PAQR6: variants seen among roughly 807,000 people sequenced by gnomAD.
PAQR6 encodes the protein membrane progestin receptor delta.
Under a neutral mutation model 36.2 loss-of-function variants are expected in PAQR6, and 34 were observed. That is an observed-to-expected ratio of 0.94 (90% confidence interval 0.71 to 1.25). PAQR6 has a LOEUF of 1.25. Among genes scored for constraint, PAQR6 ranks in the 50% most tolerant of loss-of-function variants. The pLI is 0.00. For synonymous variants in PAQR6, 190 were observed against 190.7 expected (o/e 1.00, Z 0.03); for missense variants, 431 against 445.7 (o/e 0.97, Z 0.30).
Position 156,245,655 on chromosome 1 carries a change from G to A in PAQR6, c.392C>T (p.Ala131Val). Residue 131 changes from alanine to valine, a missense_variant, in exon 5 of 8, where the codon GCC (alanine) becomes GTC (valine). By Grantham distance (64) the Ala-to-Val change is moderately conservative. Coordinates refer to ENST00000292291, the MANE Select transcript of PAQR6 (RefSeq NM_198406.3). ...CATGGAGTAGGCGGCATAGGGGAAG[G>A]CGCAGCCTGCGGTGAGGTGGGGGCG... is the stretch of plus-strand genomic sequence containing the variant. Reference protein sequence around the residue: ...GALSLYSLGCAFPYAAYSMPA... With the variant: ...GALSLYSLGCVFPYAAYSMPA... 1 of 1,612,724 alleles carries A rather than the reference G, an allele frequency of 6.2e-7. No individual in the cohort carries two copies.
chr1:156,244,311 A>G lies in PAQR6; in HGVS notation c.853T>C (p.Trp285Arg). The change falls in exon 8 of 8, where the codon TGG (tryptophan) becomes CGG (arginine). Residue 285 changes from tryptophan to arginine, a missense_variant. By Grantham distance (101) the Trp-to-Arg change is moderately radical (BLOSUM62 -3). Coordinates refer to ENST00000292291, the MANE Select transcript of PAQR6 (RefSeq NM_198406.3). ...VLADMGSRRAWLATQEPALGL... is the reference protein window; with the variant it reads ...VLADMGSRRARLATQEPALGL... ...AGGGCAGGTTCCTGTGTGGCCAGCC[A>G]GGCTCTGCGTGATCCCATATCAGCC... The G allele has an allele frequency of 6.2e-7, 1 of 1,612,472 alleles. No homozygotes were observed. The highest frequency in any genetic ancestry group is 1.7e-5 in the Admixed American group (1 of 59,928).
In PAQR6 at chr1:156,243,814, C is replaced by T; in HGVS notation, c.*315G>A. ...CCAGAAACGGAGCCAGATGAAAGGA[C>T]CCCAACACCTCCCCCCGCCAACCTT... On this transcript the variant is annotated 3_prime_UTR_variant, in exon 8 of 8. Transcript: ENST00000292291. The T allele has an allele frequency of 2.0e-6, 3 of 1,533,262 alleles. No individual in the cohort carries two copies. The highest frequency in any genetic ancestry group is 2.6e-6 in the Non-Finnish European group (3 of 1,139,170). 95.0% of individuals were successfully genotyped at this position (1,533,262 alleles called of 1,614,324 possible).
chr1:156,243,748 TGTTA>T lies in PAQR6; in HGVS notation c.*377_*380del, dbSNP rs1659678767. 2.3e-6 allele frequency: 3 copies of T among 1,310,558 alleles called. No individual in the cohort carries two copies. In the Admixed American group the frequency reaches 6.8e-5, roughly 30 times the overall value. 81.2% of individuals were successfully genotyped at this position (1,310,558 alleles called of 1,614,324 possible). On this transcript the variant is annotated 3_prime_UTR_variant, in exon 8 of 8. Coordinates refer to ENST00000292291, the MANE Select transcript of PAQR6 (RefSeq NM_198406.3). The stretch of plus-strand genomic sequence containing the variant: ...ATTCAGGGTAGGCCTAGGTTAGTCG[TGTTA>T]GTTCTTCCCTGTGCTGAGCAGAGAC...
In PAQR6 at chr1:156,244,912, C is replaced by T; in HGVS notation, c.610-1G>A. The T allele has an allele frequency of 6.2e-7, 1 of 1,611,966 alleles. No individual in the cohort carries two copies. The highest frequency in any genetic ancestry group is 1.1e-5 in the South Asian group (1 of 90,944). On this transcript the variant is annotated splice_acceptor_variant, in intron 6 of 7. Transcript: ENST00000292291. LOFTEE classifies it high-confidence loss of function. ...GGCCCCTGCCCCAGCACAGCCCGAG[C>T]TGTCAAAGGAAAACCAAGGCTGCTG...
intron 7 of PAQR6, 26 bp downstream of exon 7, chr1:156,244,735 C>T (rs1207508114): frequency 6.2e-7 from 1 of 1,613,806 alleles, no homozygotes; most frequent in Non-Finnish European, 8.5e-7. Context: ...CTGCCTCTTC[C>T]CGGGCCGGGC....
intron 6 of PAQR6, 85 bp downstream of exon 6, chr1:156,245,045 GCTGAGGCAGGGA>G (rs1415681866): frequency 6.2e-7 from 1 of 1,600,052 alleles, no homozygotes; most frequent in African/African-American, 1.3e-5. Context: ...AGGCGGCTGG[GCTGAGGCAGGGA>G]CTGAGGGGGC....
At chr1:156,246,647 G>A (rs781354703) in intron 2 of PAQR6, 34 bp downstream of exon 2, 5 of 1,609,144 alleles carry the variant, frequency 3.1e-6, no homozygotes, top group Non-Finnish European at 1.7e-6. Context: ...TCTAGGGAAT[G>A]GGGGTTGGTG....
chr1:156,245,772 T>G lies in PAQR6; in HGVS notation c.385+10A>C, dbSNP rs894414635. 6.3e-7 allele frequency: 1 copy of G among 1,584,602 alleles called. No homozygotes were observed. Among genetic ancestry groups the G allele is most frequent in the East Asian group, 2.3e-5 (1 of 43,772 alleles). Reference sequence around the variant, plus strand: ...CCCAGACCCCGCGCTCCCGCGCCTGTCCGGCTCACCCAGACTGTAGAGGCT... The same window carrying G: ...CCCAGACCCCGCGCTCCCGCGCCTGGCCGGCTCACCCAGACTGTAGAGGCT... On this transcript the variant is annotated intron_variant, in intron 4 of 7. Coordinates refer to ENST00000292291, the MANE Select transcript of PAQR6 (RefSeq NM_198406.3).
chr1:156,243,376 T>C lies in PAQR6; in HGVS notation c.*753A>G. ...GTGTGGGAGGGAGGTGTCAGGAGGA[T>C]GGGGGTGAGGAGGTTTTACCTTCTT... On this transcript the variant is annotated 3_prime_UTR_variant, in exon 8 of 8. Coordinates refer to ENST00000292291, the MANE Select transcript of PAQR6 (RefSeq NM_198406.3). 1.3e-6 allele frequency: 1 copy of C among 776,308 alleles called. No individual in the cohort carries two copies. Among genetic ancestry groups the C allele is most frequent in the Non-Finnish European group, 2.0e-6 (1 of 507,714 alleles). The allele number at this position is 776,308 out of a possible 1,614,324, so 48.1% of individuals were successfully genotyped here.
rs1288826601 is a variant in PAQR6 at position 156,245,199 on chromosome 1, G to A, written c.552C>T (p.Leu184=). The change falls in exon 6 of 8, where the codon CTC becomes CTT. Residue 184 remains leucine, a synonymous_variant. Coordinates refer to ENST00000292291, the MANE Select transcript of PAQR6 (RefSeq NM_198406.3). ...ELESPGLSKV[L]RTGAFAYPFL... ...ATGGATAGGCGAAGGCTCCTGTGCG[G>A]AGGACCTTACTGAGCCCAGGGCTTT... The A allele has an allele frequency of 1.2e-6, 2 of 1,614,162 alleles. No individual in the cohort carries two copies. Among genetic ancestry groups the A allele is most frequent in the Non-Finnish European group, 1.7e-6 (2 of 1,180,034 alleles).
At chr1:156,245,292 CAGAGAAAGGCA>C (rs1390720062) in intron 5 of PAQR6, 54 bp from the exon 6 acceptor site, 6 of 1,528,896 alleles carry the variant, frequency 3.9e-6, no homozygotes, top group Non-Finnish European at 5.4e-6. Flanking sequence ...GGGTAGGGGT[CAGAGAAAGGCA>C]AGAGGACTTG....
chr1:156,244,791 T>G lies in PAQR6; in HGVS notation c.730A>C (p.Arg244=). The G allele has an allele frequency of 6.2e-7, 1 of 1,613,698 alleles. No homozygotes were observed. The highest frequency in any genetic ancestry group is 1.3e-5 in the African/African-American group (1 of 75,056). ...TAATCAAAGCGTCCTGGTGCCAGCC[T>G]TTCAGGCAGGTGGGAGGCGAAGAGG... is the stretch of plus-strand genomic sequence containing the variant. The part of the protein sequence containing the change: ...GFLFASHLPE[R]LAPGRFDYIG... The change falls in exon 7 of 8, where the codon AGG becomes CGG. Residue 244 remains arginine (R), a synonymous_variant. Transcript: ENST00000292291.
chr1:156,243,379 G>C lies in PAQR6; in HGVS notation c.*750C>G, dbSNP rs903638482. ...TGGGAGGGAGGTGTCAGGAGGATGG[G>C]GGTGAGGAGGTTTTACCTTCTTCAG... On this transcript the variant is annotated 3_prime_UTR_variant, in exon 8 of 8. Coordinates refer to ENST00000292291, the MANE Select transcript of PAQR6 (RefSeq NM_198406.3). The C allele has an allele frequency of 1.7e-5, 13 of 743,064 alleles. No homozygotes were observed. The highest frequency in any genetic ancestry group is 2.7e-5 in the Non-Finnish European group (13 of 479,174). 46.0% of individuals were successfully genotyped at this position (743,064 alleles called of 1,614,324 possible).
chr1:156,247,328 A>G (rs943406990), intron 1 of PAQR6, among the ~76,000 whole-genome samples: 1 of 152,132 alleles, frequency 6.6e-6, no homozygotes, highest in African/African-American at 2.4e-5. Context: ...GAGCCCAGGT[A>G]TCCCTCAGCC....
Sources: allele counts gnomAD v4.1 joint callset (sites outside exome capture counted in the v4.1 genomes callset), GRCh38; gene constraint gnomAD v4.1.1; transcripts MANE v1.5; gene names NCBI Gene and HGNC (gene_info 2026-07-23, HGNC 2026-07-21).